JAKMIP2: variants seen among roughly 807,000 people sequenced by gnomAD.
The protein encoded by JAKMIP2 is janus kinase and microtubule interacting protein 2.
Under a neutral mutation model 115.0 loss-of-function variants are expected in JAKMIP2, and 25 were observed. The observed-to-expected ratio is 0.22, with a 90% CI of 0.16 to 0.30. The LOEUF (loss-of-function observed/expected upper bound fraction) is 0.30. Ranked by LOEUF, JAKMIP2 falls within the 10% of genes least tolerant of loss-of-function variation. JAKMIP2 has a pLI of 1.00. For missense variants in JAKMIP2, 642 were observed against 957.6 expected (o/e 0.67, Z 4.35); for synonymous variants, 334 against 343.6 (o/e 0.97, Z 0.31).
At chr5:147,658,419 C>A (rs930224880) in intron 3 of JAKMIP2, among the ~76,000 whole-genome samples, 4 of 152,176 alleles carry the variant, frequency 2.6e-5, no homozygotes, top group African/African-American at 9.7e-5. Flanking sequence ...CTGATGCCAG[C>A]CAGAGCTCTC....
intron 2 of JAKMIP2, among the ~76,000 whole-genome samples, chr5:147,663,377 G>A (rs754204046): frequency 6.6e-6 from 1 of 152,142 alleles, no homozygotes; most frequent in Admixed American, 6.5e-5. Flanking sequence ...GGGAGAAGAA[G>A]GTGAAAAGAC....
intron 1 of JAKMIP2, among the ~76,000 whole-genome samples, chr5:147,750,882 T>C (rs1754526265): frequency 6.6e-6 from 1 of 151,592 alleles, no homozygotes. Context: ...AAACCAACCC[T>C]GTAATTACCT....
At chr5:147,748,053 C>T (rs1754413323) in intron 1 of JAKMIP2, among the ~76,000 whole-genome samples, 2 of 152,038 alleles carry the variant, frequency 1.3e-5, no homozygotes, top group African/African-American at 2.4e-5. Context: ...GAGACTATTC[C>T]GAGCACTCTG....
chr5:147,625,716 T>C (rs1757064683), intron 16 of JAKMIP2, among the ~76,000 whole-genome samples: 1 of 152,234 alleles, frequency 6.6e-6, no homozygotes, highest in Non-Finnish European at 1.5e-5. Flanking sequence ...AGTTACTGAA[T>C]ATCCCAAGCC....
chr5:147,593,135 G>A (rs920013214), intron 21 of JAKMIP2, among the ~76,000 whole-genome samples: 1 of 152,194 alleles, frequency 6.6e-6, no homozygotes, highest in Non-Finnish European at 1.5e-5. Flanking sequence ...AGTGATGACA[G>A]GGCAGAGACA....
chr5:147,716,072 C>T (rs1752976302), intron 1 of JAKMIP2, among the ~76,000 whole-genome samples: 1 of 141,876 alleles, frequency 7.0e-6, no homozygotes, highest in African/African-American at 2.7e-5. Flanking sequence ...TCAATTCCCA[C>T]GTATGAGTGA....
At chr5:147,630,698 G>A (rs1757313671) in intron 14 of JAKMIP2, among the ~76,000 whole-genome samples, 1 of 152,108 alleles carries the variant, frequency 6.6e-6, no homozygotes, top group African/African-American at 2.4e-5. Context: ...AGCTCAGAGT[G>A]GGAGCAGGAA....
intron 5 of JAKMIP2, among the ~76,000 whole-genome samples, chr5:147,647,902 G>T (rs1758204476): frequency 6.6e-6 from 1 of 152,042 alleles, no homozygotes; most frequent in South Asian, 2.1e-4. Flanking sequence ...CAACATAAAT[G>T]TCCATTAACA....
chr5:147,712,459 AATG>A (rs1752819105), intron 1 of JAKMIP2, among the ~76,000 whole-genome samples: 1 of 152,178 alleles, frequency 6.6e-6, no homozygotes, highest in South Asian at 2.1e-4. Context: ...TTGGTGTGAA[AATG>A]ATGACATTTT....
Position 147,587,099 on chromosome 5 carries a change from T to C in JAKMIP2, c.*4608A>G, listed in dbSNP as rs1008012222. On this transcript the variant is annotated 3_prime_UTR_variant, in exon 22 of 22. Coordinates refer to ENST00000616793, the MANE Select transcript of JAKMIP2 (RefSeq NM_001270941.2). ...AATTAGATCTCAAGATACTACATTA[T>C]ATAGAAATGACAAGGCAGTAGAACA... is the stretch of plus-strand genomic sequence containing the variant. 3 of 152,140 alleles carry C rather than the reference T, an allele frequency of 2.0e-5. No individual in the cohort carries two copies. The highest frequency in any genetic ancestry group is 2.9e-5 in the Non-Finnish European group (2 of 68,030). The allele number at this position is 152,140 out of a possible 1,614,324, so 9.4% of individuals were successfully genotyped here. A position where few individuals can be genotyped will look rare whatever the true frequency, so the allele number is the denominator to read the frequency against.
chr5:147,665,272 A>G (rs1044265477), intron 2 of JAKMIP2, among the ~76,000 whole-genome samples: 2 of 152,238 alleles, frequency 1.3e-5, no homozygotes, highest in Non-Finnish European at 1.5e-5. Context: ...GAGACTGTCT[A>G]GTCCACAAAG....
chr5:147,739,053 C>T (rs1227467899), intron 1 of JAKMIP2, among the ~76,000 whole-genome samples: 2 of 151,960 alleles, frequency 1.3e-5, no homozygotes, highest in Non-Finnish European at 2.9e-5. Flanking sequence ...GTTTGAAGGA[C>T]GGTAGGTCAC....
chr5:147,615,462 G>T (rs1756523794), intron 19 of JAKMIP2, among the ~76,000 whole-genome samples: 1 of 152,076 alleles, frequency 6.6e-6, no homozygotes, highest in South Asian at 2.1e-4. Flanking sequence ...CTGGGGTTGG[G>T]TCAAATCTGG....
At chr5:147,645,025 C>T in intron 5 of JAKMIP2, 29 bp from the exon 6 acceptor site, 1 of 1,609,542 alleles carries the variant, frequency 6.2e-7, no homozygotes, top group Non-Finnish European at 8.5e-7. Context: ...AGATTTGTGT[C>T]TTGCGTTTGG....
At chr5:147,694,887 C>T (rs1752033584) in intron 1 of JAKMIP2, among the ~76,000 whole-genome samples, 1 of 152,140 alleles carries the variant, frequency 6.6e-6, no homozygotes, top group African/African-American at 2.4e-5. Flanking sequence ...TGAAAGTATG[C>T]ACATATGGGC....
intron 2 of JAKMIP2, among the ~76,000 whole-genome samples, chr5:147,662,183 C>CACACACACAA (rs71274367): frequency 6.6e-6 from 1 of 151,444 alleles, no homozygotes; most frequent in African/African-American, 2.4e-5. Context: ...CACACACACA[C>CACACACACAA]ACAAACAAAA....
chr5:147,620,946 A>G (rs1756819575), intron 17 of JAKMIP2, among the ~76,000 whole-genome samples: 1 of 152,250 alleles, frequency 6.6e-6, no homozygotes, highest in Non-Finnish European at 1.5e-5. Context: ...GCAGCATAAA[A>G]GATATAATGA....
chr5:147,613,643 G>C (rs573471569), intron 19 of JAKMIP2, among the ~76,000 whole-genome samples: 1 of 152,120 alleles, frequency 6.6e-6, no homozygotes, highest in Non-Finnish European at 1.5e-5. Context: ...TCACAACTGG[G>C]AGTATGTGCA....
chr5:147,589,351 G>C lies in JAKMIP2; in HGVS notation c.*2356C>G, dbSNP rs1018590482. ...AATCCCAGCTACTAGGGAGGTTGAG[G>C]CAGGAGAATCACTTGAATCCAGGAG... On this transcript the variant is annotated 3_prime_UTR_variant, in exon 22 of 22. Transcript: ENST00000616793. 4 of 151,562 alleles carry C rather than the reference G, an allele frequency of 2.6e-5. No individual in the cohort carries two copies. The highest frequency in any genetic ancestry group is 5.9e-5 in the Non-Finnish European group (4 of 68,072). The allele number at this position is 151,562 out of a possible 1,614,324, so 9.4% of individuals were successfully genotyped here. A position where few individuals can be genotyped will look rare whatever the true frequency, so the allele number is the denominator to read the frequency against.
Sources: allele counts gnomAD v4.1 joint callset (sites outside exome capture counted in the v4.1 genomes callset), GRCh38; gene constraint gnomAD v4.1.1; transcripts MANE v1.5; gene names NCBI Gene and HGNC (gene_info 2026-07-23, HGNC 2026-07-21).